The following HIGD1A variants were observed in gnomAD, a reference collection of about 807,000 sequenced individuals.
HIGD1A encodes HIG1 domain family member 1A, mitochondrial.
Under a neutral mutation model 11.3 loss-of-function variants are expected in HIGD1A, and 8 were observed. The observed-to-expected ratio is 0.71, with a 90% CI of 0.42 to 1.28. The LOEUF is 1.28. Ranked by LOEUF, HIGD1A falls within the 50% of genes most tolerant of loss-of-function variation. The pLI is 0.01. For synonymous variants in HIGD1A, 32 were observed against 38.4 expected (o/e 0.83, Z 0.62); for missense variants, 107 against 118.8 (o/e 0.90, Z 0.46).
At chr3:42,792,538 G>C (rs766512462) in intron 2 of HIGD1A, among the ~76,000 whole-genome samples, 2 of 151,866 alleles carry the variant, frequency 1.3e-5, no homozygotes, top group Non-Finnish European at 2.9e-5. Flanking sequence ...GCCAGGCGTG[G>C]TGGCGAGCAC....
chr3:42,793,130 T>C (rs1454419523), intron 2 of HIGD1A, among the ~76,000 whole-genome samples: 1 of 152,158 alleles, frequency 6.6e-6, no homozygotes, highest in Non-Finnish European at 1.5e-5. Context: ...ATCAAAATGG[T>C]AACAACAGTT....
intron 2 of HIGD1A, among the ~76,000 whole-genome samples, chr3:42,793,247 T>A (rs538553489): frequency 6.6e-6 from 1 of 152,282 alleles, no homozygotes; most frequent in African/African-American, 2.4e-5. Context: ...TCACCTTTCA[T>A]CTGTTTTAAC....
At chr3:42,787,653 C>G (rs1171173438) in intron 2 of HIGD1A, among the ~76,000 whole-genome samples, 1 of 142,370 alleles carries the variant, frequency 7.0e-6, no homozygotes. Context: ...TTAAAATAAT[C>G]TAATATAGCA....
chr3:42,785,969 G>C, intron 3 of HIGD1A, 59 bp downstream of exon 3: 1 of 1,515,912 alleles, frequency 6.6e-7, no homozygotes, highest in Non-Finnish European at 9.1e-7. Flanking sequence ...TACCTATTTT[G>C]TTTGTAAAGA....
chr3:42,802,934 C>T (rs1258476939), intron 1 of HIGD1A, among the ~76,000 whole-genome samples: 1 of 152,194 alleles, frequency 6.6e-6, no homozygotes. Flanking sequence ...TCAACAGAAG[C>T]CCACGTTGTT....
intron 1 of HIGD1A, among the ~76,000 whole-genome samples, chr3:42,794,620 T>C (rs1461563714): frequency 6.6e-6 from 1 of 152,232 alleles, no homozygotes; most frequent in Non-Finnish European, 1.5e-5. Flanking sequence ...TCATCCTTAA[T>C]CAACTATTTA....
At chr3:42,802,095 G>A (rs1226928162) in intron 1 of HIGD1A, among the ~76,000 whole-genome samples, 2 of 151,728 alleles carry the variant, frequency 1.3e-5, no homozygotes, top group Non-Finnish European at 2.9e-5. Flanking sequence ...AAAGTTGGTA[G>A]TTTTTCTTAT....
At chr3:42,789,685 T>C (rs561825297) in intron 2 of HIGD1A, among the ~76,000 whole-genome samples, 1 of 152,184 alleles carries the variant, frequency 6.6e-6, no homozygotes, top group Non-Finnish European at 1.5e-5. Context: ...AAATTGTACT[T>C]AGTGTTAAAA....
Position 42,783,473 on chromosome 3 carries a change from G to A in HIGD1A, c.*1798C>T, listed in dbSNP as rs866353603. Among the ~76,000 whole-genome samples, 4 of 151,992 alleles carry A rather than the reference G, an allele frequency of 2.6e-5. No individual in the cohort carries two copies. Among genetic ancestry groups the A allele is most frequent in the Non-Finnish European group, 2.9e-5 (2 of 68,000 alleles). ...TTACTAAAAACACAAAAATTAGCCC[G>A]ACATGGTGGCGCATGCCTGTAATCC... On this transcript the variant is annotated 3_prime_UTR_variant, in exon 4 of 4. Transcript: ENST00000321331.
At chr3:42,793,852 G>C (rs1700458958) in intron 2 of HIGD1A, among the ~76,000 whole-genome samples, 1 of 152,076 alleles carries the variant, frequency 6.6e-6, no homozygotes, top group African/African-American at 2.4e-5. Context: ...CACACCTGTG[G>C]TCCCAGCTAC....
In HIGD1A at chr3:42,785,211, A is replaced by G. The variant is rs994122299; in HGVS notation, c.*60T>C. 1 of 1,289,096 alleles carries G rather than the reference A, an allele frequency of 7.8e-7. No homozygotes were observed. The highest frequency in any genetic ancestry group is 1.1e-6 in the Non-Finnish European group (1 of 901,412). 79.9% of individuals were successfully genotyped at this position (1,289,096 alleles called of 1,614,324 possible). On this transcript the variant is annotated 3_prime_UTR_variant, in exon 4 of 4. Transcript: ENST00000321331. Reference sequence around the variant, plus strand: ...TTTCCAACAATAATAGGTAACTTTAATAATAAGACATCTAACTAAAGCAAG... The same window carrying G: ...TTTCCAACAATAATAGGTAACTTTAGTAATAAGACATCTAACTAAAGCAAG...
At chr3:42,791,682 A>G (rs1462536345) in intron 2 of HIGD1A, among the ~76,000 whole-genome samples, 3 of 152,238 alleles carry the variant, frequency 2.0e-5, no homozygotes, top group African/African-American at 7.2e-5. Context: ...GGTTAAATCA[A>G]TGTAGGGTTT....
At chr3:42,795,385 AT>A (rs71616069) in intron 1 of HIGD1A, among the ~76,000 whole-genome samples, 1 of 151,452 alleles carries the variant, frequency 6.6e-6, no homozygotes, top group Non-Finnish European at 1.5e-5. Flanking sequence ...TGCCTGGCTA[AT>A]TTTTTTTGTA....
In HIGD1A at chr3:42,782,954, G is replaced by C. The variant is rs928879587; in HGVS notation, c.*2317C>G. On this transcript the variant is annotated 3_prime_UTR_variant, in exon 4 of 4. Transcript: ENST00000321331. ...TATTCCAAAGAAAAATATGAACTGA[G>C]AATTGTATTATCTAGCCAAATTGTT... is the stretch of plus-strand genomic sequence containing the variant. Among the ~76,000 whole-genome samples, 18 of 152,186 alleles carry C rather than the reference G, an allele frequency of 1.2e-4. No homozygotes were observed. The highest frequency in any genetic ancestry group is 6.5e-4 in the Admixed American group (10 of 15,284).
In HIGD1A at chr3:42,784,033, G is replaced by GC. The variant is rs1304515454; in HGVS notation, c.*1237dup. On this transcript the variant is annotated 3_prime_UTR_variant, in exon 4 of 4. Coordinates refer to ENST00000321331, the MANE Select transcript of HIGD1A (RefSeq NM_014056.4). The stretch of plus-strand genomic sequence containing the variant: ...GGAAGTTGCAGTGAGCCAAGATCGT[G>GC]CCACTGCACGCCAGCCAAGATGACA... Among the ~76,000 whole-genome samples, 1 of 144,916 alleles carries GC rather than the reference G, an allele frequency of 6.9e-6. No homozygotes were observed. The highest frequency in any genetic ancestry group is 1.5e-5 in the Non-Finnish European group (1 of 67,250).
chr3:42,786,235 C>T, intron 2 of HIGD1A, 73 bp from the exon 3 acceptor site: 4 of 1,450,382 alleles, frequency 2.8e-6, no homozygotes, highest in South Asian at 1.2e-5. Flanking sequence ...AGTCAATGTA[C>T]ATTCTATTAT....
chr3:42,785,935 G>T, intron 3 of HIGD1A, 93 bp downstream of exon 3: 3 of 1,154,112 alleles, frequency 2.6e-6, no homozygotes, highest in Non-Finnish European at 3.9e-6. Context: ...TTCTCCAACT[G>T]CTAAAAGGTC....
intron 1 of HIGD1A, chr3:42,804,049 A>G: frequency 2.5e-5 from 26 of 1,042,184 alleles, no homozygotes; most frequent in Non-Finnish European, 3.5e-5. Context: ...GCTCTTCAGA[A>G]TGTTCCAAGC....
chr3:42,794,420 A>AT, intron 1 of HIGD1A, 145 bp from the exon 2 acceptor site: 1 of 761,748 alleles, frequency 1.3e-6, no homozygotes, highest in Non-Finnish European at 1.9e-6. Context: ...ATTTTTAGAA[A>AT]TTAACTGTAT....
Sources: allele counts gnomAD v4.1 joint callset (sites outside exome capture counted in the v4.1 genomes callset), GRCh38; gene constraint gnomAD v4.1.1; transcripts MANE v1.5; gene names NCBI Gene and HGNC (gene_info 2026-07-23, HGNC 2026-07-21).